ELN: variants seen among roughly 807,000 people sequenced by gnomAD.
The protein encoded by ELN is tropoelastin.
ELN carries 65 observed loss-of-function variants against 105.8 expected under a neutral mutation model. That is an observed-to-expected ratio of 0.61 (90% CI 0.50 to 0.75). ELN has a LOEUF of 0.75. Among genes scored for constraint, ELN ranks in the 30% least tolerant of loss-of-function variants. The pLI is 0.00. For synonymous variants in ELN, 368 were observed against 389.2 expected, an observed-to-expected ratio of 0.95 and a Z score of 0.64; for missense variants, 882 against 969.4, an observed-to-expected ratio of 0.91 and a Z score of 1.20.
At chr7:74,055,074 T>C (rs1159494808) in intron 19 of ELN, among the ~76,000 whole-genome samples, 2 of 152,212 alleles carry the variant, frequency 1.3e-5, no homozygotes, top group Non-Finnish European at 2.9e-5. Context: ...CTGCCAATAG[T>C]CTCTCTGCAT....
chr7:74,047,694 C>T lies in ELN; in HGVS notation c.663C>T (p.Tyr221=). The change falls in exon 13 of 33, where the codon TAC becomes TAT. Residue 221 remains tyrosine (Y), a synonymous_variant. Coordinates refer to ENST00000252034, the MANE Select transcript of ELN (RefSeq NM_000501.4). ...PKLPGGYGLP[Y]TTGKLPYGYG... The stretch of plus-strand genomic sequence containing the variant: ...CTCCAGGTGGCTATGGACTGCCCTA[C>T]ACCACAGGGAAACTGCCCTATGGTG... 1 of 1,614,186 alleles carries T rather than the reference C, an allele frequency of 6.2e-7. No homozygotes were observed. The highest frequency in any genetic ancestry group is 1.1e-5 in the South Asian group (1 of 91,084).
At chr7:74,050,890 A>C (rs1470970086) in intron 15 of ELN, among the ~76,000 whole-genome samples, 1 of 152,220 alleles carries the variant, frequency 6.6e-6, no homozygotes, top group African/African-American at 2.4e-5. Flanking sequence ...AACAGGAAAG[A>C]GGAGGCCAAG....
chr7:74,033,629 G>A lies in ELN; in HGVS notation c.83-1735G>A, dbSNP rs575743099. On this transcript the variant is annotated intron_variant, in intron 1 of 32. Transcript: ENST00000252034. The stretch of plus-strand genomic sequence containing the variant: ...GGGGTGGCGCCGGGGTCTTGGCTCC[G>A]GTGGCTGTGACAGCTCCACAGCCCT... Among the ~76,000 whole-genome samples the A allele has an allele frequency of 2.6e-4, 39 of 152,354 alleles. 1 individual carries two copies. The highest frequency in any genetic ancestry group is 1.2e-4 in the African/African-American group (5 of 41,584).
At position 74,061,111 on chromosome 7, in the gene ELN, C is replaced by A; in HGVS notation, c.1758C>A (p.Ala586=). The change falls in exon 26 of 33, where the codon GCC becomes GCA. Residue 586 remains alanine (A), a synonymous_variant. Coordinates refer to ENST00000252034, the MANE Select transcript of ELN (RefSeq NM_000501.4). ...TTTCTTTCTCCCCAGTACCTGGAGCCCTGGCTGCCGCTAAAGCAGCCAAAT... is the reference window on the plus strand; with the variant it reads ...TTTCTTTCTCCCCAGTACCTGGAGCACTGGCTGCCGCTAAAGCAGCCAAAT... ...GVPGFGAVPG[A]LAAAKAAKYG... is the part of the protein sequence containing the mutation. 6.2e-7 allele frequency: 1 copy of A among 1,614,162 alleles called. No homozygotes were observed. The highest frequency in any genetic ancestry group is 8.5e-7 in the Non-Finnish European group (1 of 1,180,042).
In ELN at chr7:74,041,345, T is replaced by C. The variant is rs901013950; in HGVS notation, c.232+94T>C. The C allele has an allele frequency of 1.4e-5, 21 of 1,529,072 alleles. No individual in the cohort carries two copies. The Admixed American group carries it at 2.4e-4, about 17-fold the overall frequency. 94.7% of individuals were successfully genotyped at this position (1,529,072 alleles called of 1,614,324 possible). On this transcript the variant is annotated intron_variant, in intron 5 of 32. Coordinates refer to ENST00000252034, the MANE Select transcript of ELN (RefSeq NM_000501.4). Reference sequence around the variant, plus strand: ...ATGCAGCACGGTCATGGAACAAGGGTGCAGGCCAGGTTCCGTCCTGGGCAC... The same window carrying C: ...ATGCAGCACGGTCATGGAACAAGGGCGCAGGCCAGGTTCCGTCCTGGGCAC...
In ELN at chr7:74,069,387, C is replaced by T. The variant is rs908407280; in HGVS notation, c.*687C>T. The T allele has an allele frequency of 8.5e-6, 2 of 234,948 alleles. No homozygotes were observed. The highest frequency in any genetic ancestry group is 1.7e-5 in the Non-Finnish European group (2 of 118,948). 14.6% of individuals were successfully genotyped at this position (234,948 alleles called of 1,614,324 possible). On this transcript the variant is annotated 3_prime_UTR_variant, in exon 33 of 33. Coordinates refer to ENST00000252034, the MANE Select transcript of ELN (RefSeq NM_000501.4). The stretch of plus-strand genomic sequence containing the variant: ...CCGTCCATCCATGTCCCCAGTTGAC[C>T]GCCCGGCACCACTAGCTGGCTGGGT...
chr7:74,037,654 A>C, intron 3 of ELN, 53 bp from the exon 4 acceptor site: 2 of 1,596,420 alleles, frequency 1.3e-6, no homozygotes, highest in Non-Finnish European at 1.7e-6. Flanking sequence ...TTGGATAAGT[A>C]GTAGATGGAT....
Position 74,063,122 on chromosome 7 carries a change from G to A in ELN, c.1787-31G>A. 6.3e-7 allele frequency: 1 copy of A among 1,587,058 alleles called. No individual in the cohort carries two copies. Among genetic ancestry groups the A allele is most frequent in the Non-Finnish European group, 8.6e-7 (1 of 1,167,408 alleles). On this transcript the variant is annotated intron_variant, in intron 26 of 32. Transcript: ENST00000252034. The surrounding 1 kb of genome is among the most constrained non-coding windows in gnomAD (Gnocchi z 4.1). ...GCAGGGAGACCCATCGTTCAGAAAT[G>A]GAACACTCATTTTCCCTCCTCTCCC...
chr7:74,053,217 G>T lies in ELN; in HGVS notation c.1004G>T (p.Gly335Val). ...CCAGGCTTTGGCCCGGGAGTAGTTG[G>T]TGTCCCAGGAGCTGGCGTTCCAGGT... ...GGPGFGPGVVGVPGAGVPGVG... is the reference protein window; with the variant it reads ...GGPGFGPGVVVVPGAGVPGVG... The change falls in exon 18 of 33, where the codon GGT (glycine) becomes GTT (valine). Residue 335 changes from glycine (G) to valine (V), a missense_variant. Physicochemically the swap from Gly to Val is moderately radical, Grantham distance 109 (BLOSUM62 -3). Transcript: ENST00000252034. 5 of 1,614,118 alleles carry T rather than the reference G, an allele frequency of 3.1e-6. No homozygotes were observed. The highest frequency in any genetic ancestry group is 4.2e-6 in the Non-Finnish European group (5 of 1,180,010).
chr7:74,037,842 G>A (rs1190346961), intron 4 of ELN, 103 bp downstream of exon 4: 3 of 1,516,768 alleles, frequency 2.0e-6, no homozygotes, highest in Admixed American at 3.9e-5. Context: ...ACAGGACAAG[G>A]AAGCCAACGG....
At chr7:74,067,962 C>A (rs1798335112) in intron 32 of ELN, among the ~76,000 whole-genome samples, 2 of 138,044 alleles carry the variant, frequency 1.4e-5, no homozygotes, top group African/African-American at 3.1e-5. Flanking sequence ...AAAAAAAAAC[C>A]TTCAGAGGCA....
chr7:74,056,453 C>T lies in ELN; in HGVS notation c.1315+18C>T, dbSNP rs1010441504. On this transcript the variant is annotated intron_variant, in intron 20 of 32. Transcript: ENST00000252034. ...CATTTCCCGTGAGCCTTAGTCACAC[C>T]TGGGGACATGGGTTGAGAAGGGATG... The T allele has an allele frequency of 3.1e-6, 5 of 1,613,270 alleles. No individual in the cohort carries two copies. Among genetic ancestry groups the T allele is most frequent in the Admixed American group, 1.7e-5 (1 of 59,968 alleles).
rs782414975 is a variant in ELN, at chr7:74,060,610, A to G, written c.1747+109A>G. The G allele has an allele frequency of 1.8e-4, 288 of 1,580,596 alleles. No homozygotes were observed. The highest frequency in any genetic ancestry group is 7.3e-5 in the Non-Finnish European group (85 of 1,162,900). On this transcript the variant is annotated intron_variant, in intron 25 of 32. Coordinates refer to ENST00000252034, the MANE Select transcript of ELN (RefSeq NM_000501.4). ...CCCTCATCACCCAGGGGTGCATAGT[A>G]AAATCCTTGTTAGGTTCTCCTAAGC...
intron 2 of ELN, 73 bp from the exon 3 acceptor site, chr7:74,036,482 T>G: frequency 6.2e-7 from 1 of 1,601,746 alleles, no homozygotes; most frequent in Non-Finnish European, 8.5e-7. Context: ...GATTCAGCCA[T>G]AGCTGGGGGT....
chr7:74,048,299 C>T, intron 14 of ELN, 98 bp downstream of exon 14: 1 of 1,566,916 alleles, frequency 6.4e-7, no homozygotes, highest in Non-Finnish European at 8.8e-7. Context: ...AAGCAGCAGC[C>T]CACCCTGCAT....
At chr7:74,041,166 CTG>C in intron 4 of ELN, 48 bp from the exon 5 acceptor site, 1 of 1,613,320 alleles carries the variant, frequency 6.2e-7, no homozygotes, top group Non-Finnish European at 8.5e-7. Context: ...ATTTCCCACT[CTG>C]GGCCTAGGAA....
chr7:74,050,084 T>C (rs1554675122), intron 15 of ELN, among the ~76,000 whole-genome samples: 2 of 149,916 alleles, frequency 1.3e-5, no homozygotes, highest in African/African-American at 4.9e-5. Flanking sequence ...CATCCATCCA[T>C]CCATCTATTC....
Position 74,048,156 on chromosome 7 carries a change from G to A in ELN, c.700G>A (p.Gly234Arg). Residue 234 changes from glycine (G) to arginine (R), a missense_variant, in exon 14 of 33, where the codon GGA becomes AGA. Gly to Arg is a moderately radical substitution (Grantham distance 125). Coordinates refer to ENST00000252034, the MANE Select transcript of ELN (RefSeq NM_000501.4). ...CTGTTTTGCAGGCTATGGGCCCGGA[G>A]GAGTGGCTGGTGCAGCGGGCAAGGC... ...GKLPYGYGPG[G>R]VAGAAGKAGY... is the part of the protein sequence containing the mutation. 6.2e-7 allele frequency: 1 copy of A among 1,614,050 alleles called. No individual in the cohort carries two copies. The highest frequency in any genetic ancestry group is 8.5e-7 in the Non-Finnish European group (1 of 1,179,974).
At chr7:74,030,591 G>T (rs563397684) in intron 1 of ELN, among the ~76,000 whole-genome samples, 5 of 151,110 alleles carry the variant, frequency 3.3e-5, no homozygotes, top group Non-Finnish European at 7.4e-5. Context: ...TTGAGACAGG[G>T]TCTCGCTGTG....
Sources: allele counts gnomAD v4.1 joint callset (sites outside exome capture counted in the v4.1 genomes callset), GRCh38; gene constraint gnomAD v4.1.1; non-coding constraint Gnocchi (gnomAD v3.1); transcripts MANE v1.5; gene names NCBI Gene and HGNC (gene_info 2026-07-23, HGNC 2026-07-21).